HACE1: variants seen among roughly 807,000 people sequenced by gnomAD.
HACE1 encodes the protein E3 ubiquitin-protein ligase HACE1.
In HACE1, 73 loss-of-function variants were observed where a neutral mutation model predicts 118.4. The ratio of observed to expected loss-of-function variants is 0.62; its 90% CI spans 0.51 to 0.75. HACE1 has a LOEUF of 0.75. HACE1 is among the 30% of genes least tolerant of loss of function. The pLI, the probability that HACE1 is intolerant of heterozygous loss-of-function variation, is 0.00. For synonymous variants in HACE1, 368 were observed against 374.8 expected, an observed-to-expected ratio of 0.98 and a Z score of 0.21; for missense variants, 749 against 1,102.2, an observed-to-expected ratio of 0.68 and a Z score of 4.54.
chr6:104,733,046 T>C (rs1248917245), intron 22 of HACE1, among the ~76,000 whole-genome samples: 2 of 152,218 alleles, frequency 1.3e-5, no homozygotes, highest in African/African-American at 2.4e-5. Flanking sequence ...AGTTAATTTA[T>C]AGATTTAACT....
At position 104,784,105 on chromosome 6, in the gene HACE1, A is replaced by G; in HGVS notation, c.1547T>C (p.Met516Thr). 1 of 1,587,910 alleles carries G rather than the reference A, an allele frequency of 6.3e-7. No individual in the cohort carries two copies. Among genetic ancestry groups the G allele is most frequent in the Non-Finnish European group, 8.6e-7 (1 of 1,156,356 alleles). The change falls in exon 14 of 24, where the codon ATG becomes ACG. Residue 516 changes from methionine (M) to threonine (T), a missense_variant. This residue lies in a region of HACE1 where 195 missense variants were observed against 322.1 expected (regional missense o/e 0.61). Transcript: ENST00000262903. ...TTCTACCTGTGCTTTTATGATATGC[A>G]TGAATCTTGACATCAACTCAGGACA... ...LECPELMSRFMHIIKAQPFKD... is the reference protein window; with the variant it reads ...LECPELMSRFTHIIKAQPFKD...
intron 9 of HACE1, among the ~76,000 whole-genome samples, chr6:104,795,982 G>T (rs573915227): frequency 2.6e-5 from 4 of 152,064 alleles, no homozygotes; most frequent in African/African-American, 7.2e-5. Flanking sequence ...TTTAAATTCC[G>T]CAATTTTTCT....
intron 21 of HACE1, 83 bp from the exon 22 acceptor site, chr6:104,744,313 A>C (rs1441552807): frequency 1.1e-6 from 1 of 935,642 alleles, no homozygotes; most frequent in Non-Finnish European, 1.8e-6. Context: ...CAATATTCAT[A>C]AAGCACATTT....
rs566829411 is a variant in HACE1, at chr6:104,744,360, G to A, written c.2443-130C>T. On this transcript the variant is annotated intron_variant, in intron 21 of 23. Coordinates refer to ENST00000262903, the MANE Select transcript of HACE1 (RefSeq NM_020771.4). ...ACTCGTTTACCAAAAATGATTTCATGCAAAGCTTTCATATGCACTATTCCC... is the reference window on the plus strand; with the variant it reads ...ACTCGTTTACCAAAAATGATTTCATACAAAGCTTTCATATGCACTATTCCC... 3.6e-6 allele frequency: 3 copies of A among 824,264 alleles called. No homozygotes were observed. The South Asian group carries it at 4.2e-5, about 11-fold the overall frequency. 51.1% of individuals were successfully genotyped at this position (824,264 alleles called of 1,614,324 possible).
intron 22 of HACE1, among the ~76,000 whole-genome samples, chr6:104,740,547 C>G (rs1317481028): frequency 6.6e-6 from 1 of 152,046 alleles, no homozygotes; most frequent in Non-Finnish European, 1.5e-5. Context: ...TGCAAATAAA[C>G]TAGAAAATCT....
chr6:104,811,272 ATG>A, intron 7 of HACE1, 37 bp downstream of exon 7: 1 of 577,526 alleles, frequency 1.7e-6, no homozygotes, highest in South Asian at 1.6e-5. Flanking sequence ...ATATATATAT[ATG>A]AGCATATATA....
At chr6:104,829,698 A>G (rs752472625) in intron 6 of HACE1, among the ~76,000 whole-genome samples, 1 of 152,152 alleles carries the variant, frequency 6.6e-6, no homozygotes, top group Non-Finnish European at 1.5e-5. Flanking sequence ...CCTGTTGGCC[A>G]TTACATAATC....
chr6:104,795,456 A>G (rs1783507349), intron 10 of HACE1, 123 bp downstream of exon 10: 4 of 720,248 alleles, frequency 5.6e-6, no homozygotes, highest in Non-Finnish European at 1.0e-5. Context: ...ACAAACCAGA[A>G]GTCAGCAAAT....
In HACE1 at chr6:104,784,237, T is replaced by C. The variant is rs575675671; in HGVS notation, c.1479-64A>G. 5.7e-4 allele frequency: 555 copies of C among 966,200 alleles called. 7 individuals are homozygous for C. The South Asian group carries it at 6.5e-3, about 11-fold the overall frequency. The allele number at this position is 966,200 out of a possible 1,614,324, so 59.9% of individuals were successfully genotyped here. A position where few individuals can be genotyped will look rare whatever the true frequency, so the allele number is the denominator to read the frequency against. On this transcript the variant is annotated intron_variant, in intron 13 of 23. Transcript: ENST00000262903. ...TGAGTAGCATTAAGTGAAATGCAAATTCAGATACACTGACACTGAAACAGA... is the reference window on the plus strand; with the variant it reads ...TGAGTAGCATTAAGTGAAATGCAAACTCAGATACACTGACACTGAAACAGA...
chr6:104,799,559 T>G lies in HACE1; in HGVS notation c.618-2534A>C, dbSNP rs143761201. Among the ~76,000 whole-genome samples, 7 of 152,314 alleles carry G rather than the reference T, an allele frequency of 4.6e-5. No individual in the cohort carries two copies. In the East Asian group the frequency reaches 1.4e-3, roughly 29 times the overall value. ...TTTATTTTAACAGTATTCACCCAAT[T>G]TTTCAGATGAGAAAACCATGGCTCA... is the stretch of plus-strand genomic sequence containing the variant. On this transcript the variant is annotated intron_variant, in intron 7 of 23. Transcript: ENST00000262903.
chr6:104,740,022 AC>A, intron 22 of HACE1, among the ~76,000 whole-genome samples: 1 of 151,944 alleles, frequency 6.6e-6, no homozygotes, highest in East Asian at 1.9e-4. Context: ...CTCACTCAAA[AC>A]CACTCAACTA....
intron 4 of HACE1, among the ~76,000 whole-genome samples, chr6:104,843,536 C>T (rs1390419103): frequency 1.3e-5 from 2 of 152,174 alleles, no homozygotes; most frequent in Non-Finnish European, 2.9e-5. Context: ...GTTTTCATAT[C>T]ATTGGGACAA....
Position 104,791,596 on chromosome 6 carries a change from A to G in HACE1, c.982T>C (p.Cys328Arg). ...GATGGACCAATTCGAAAGACGTGAC[A>G]AAACATTCTCACAATCCTTAAAAGG... ...KSLLRIVRMFCHVFRIGPSSP... is the reference protein window; with the variant it reads ...KSLLRIVRMFRHVFRIGPSSP... The change falls in exon 11 of 24, where the codon TGT becomes CGT. Residue 328 changes from cysteine (C) to arginine (R), a missense_variant. Transcript: ENST00000262903. The G allele has an allele frequency of 6.2e-7, 1 of 1,611,632 alleles. No homozygotes were observed. Among genetic ancestry groups the G allele is most frequent in the Non-Finnish European group, 8.5e-7 (1 of 1,177,746 alleles).
chr6:104,858,960 C>A (rs1425585138), intron 1 of HACE1, among the ~76,000 whole-genome samples: 2 of 152,110 alleles, frequency 1.3e-5, no homozygotes, highest in East Asian at 3.9e-4. Context: ...ACCAGCTAGC[C>A]CACTCAATAC....
chr6:104,854,202 G>A (rs1042997488), intron 1 of HACE1, among the ~76,000 whole-genome samples: 2 of 152,088 alleles, frequency 1.3e-5, no homozygotes, highest in African/African-American at 4.8e-5. Context: ...AAAGTCTCAC[G>A]ACCGTTAAAC....
chr6:104,750,596 C>CCTG, intron 19 of HACE1, 124 bp from the exon 20 acceptor site: 1 of 886,802 alleles, frequency 1.1e-6, no homozygotes, highest in Admixed American at 2.2e-5. Context: ...ACTCATACAT[C>CCTG]TCAGCAAATC....
intron 7 of HACE1, among the ~76,000 whole-genome samples, chr6:104,807,438 G>A (rs1437947015): frequency 1.3e-5 from 2 of 152,114 alleles, no homozygotes; most frequent in Non-Finnish European, 2.9e-5. Context: ...GTCTCTAGTA[G>A]AGACCTCTAA....
At chr6:104,790,665 C>T (rs1316157599) in intron 11 of HACE1, among the ~76,000 whole-genome samples, 1 of 152,146 alleles carries the variant, frequency 6.6e-6, no homozygotes. Flanking sequence ...GAGGTGGGAG[C>T]ATCACCTGAG....
intron 22 of HACE1, among the ~76,000 whole-genome samples, chr6:104,735,218 C>A (rs915303403): frequency 6.6e-6 from 1 of 151,740 alleles, no homozygotes; most frequent in African/African-American, 2.4e-5. Context: ...AGAGTTAATA[C>A]CCCTAATATA....
Sources: gnomAD v4.1 joint callset for allele counts (sites outside exome capture counted in the v4.1 genomes callset) on GRCh38, gnomAD v4.1.1 for gene constraint, gnomAD v4.1.1 regional missense constraint, MANE v1.5 for transcripts, NCBI Gene and HGNC (gene_info 2026-07-23, HGNC 2026-07-21) for gene names.